ADGRG6: variants seen among roughly 807,000 people sequenced by gnomAD.
ADGRG6 encodes adhesion G protein-coupled receptor G6.
ADGRG6 carries 84 observed loss-of-function variants against 142.4 expected under a neutral mutation model. That is an observed-to-expected ratio of 0.59 (90% CI 0.49 to 0.71). The LOEUF (loss-of-function observed/expected upper bound fraction) is 0.71. Among genes scored for constraint, ADGRG6 ranks in the 30% least tolerant of loss-of-function variants. The pLI is 0.00. For missense variants in ADGRG6, 1,367 were observed against 1,466.6 expected (o/e 0.93, Z 1.11); for synonymous variants, 521 against 520.5 (o/e 1.00, Z -0.01).
rs773191366 is a variant in ADGRG6 at position 142,443,444 on chromosome 6, A to T, written c.3682A>T (p.Asn1228Tyr). The change falls in exon 25 of 25, where the codon AAT becomes TAT. Residue 1228 changes from asparagine (N) to tyrosine (Y), a missense_variant. Coordinates refer to ENST00000367609, the MANE Select transcript of ADGRG6 (RefSeq NM_198569.3). ...QVIDKVKGYCNAHSDNFYKNI... is the reference protein window; with the variant it reads ...QVIDKVKGYCYAHSDNFYKNI... ...CATTGATAAGGTCAAGGGTTATTGC[A>T]ATGCTCATTCAGACAACTTCTATAA... 26 of 1,611,380 alleles carry T rather than the reference A, an allele frequency of 1.6e-5. No homozygotes were observed. The South Asian group carries it at 2.6e-4, about 16-fold the overall frequency.
intron 4 of ADGRG6, among the ~76,000 whole-genome samples, chr6:142,380,871 A>G (rs1781739262): frequency 6.6e-6 from 1 of 152,108 alleles, no homozygotes. Flanking sequence ...TGGCCTCTGT[A>G]CCTCACATAA....
intron 1 of ADGRG6, among the ~76,000 whole-genome samples, chr6:142,305,879 C>G (rs925692392): frequency 6.7e-6 from 1 of 149,450 alleles, no homozygotes; most frequent in African/African-American, 2.4e-5. Flanking sequence ...AATAAAGGTA[C>G]TCAAATCGAG....
intron 2 of ADGRG6, among the ~76,000 whole-genome samples, chr6:142,335,451 G>A (rs185835902): frequency 2.6e-4 from 40 of 152,266 alleles, no homozygotes; most frequent in African/African-American, 8.4e-4. Context: ...GCCTTTTACA[G>A]TTAGAAGTAG....
At chr6:142,392,343 C>G (rs1309607248) in intron 7 of ADGRG6, among the ~76,000 whole-genome samples, 4 of 151,848 alleles carry the variant, frequency 2.6e-5, no homozygotes, top group Non-Finnish European at 4.4e-5. Context: ...ATTAAAAACT[C>G]TTATGCTGAG....
chr6:142,315,791 G>C (rs1440870180), intron 2 of ADGRG6, among the ~76,000 whole-genome samples: 1 of 151,524 alleles, frequency 6.6e-6, no homozygotes, highest in Non-Finnish European at 1.5e-5. Flanking sequence ...AGATCGTGCT[G>C]TTGCACTCTA....
At chr6:142,438,922 A>G (rs1209095648) in intron 24 of ADGRG6, among the ~76,000 whole-genome samples, 2 of 152,182 alleles carry the variant, frequency 1.3e-5, no homozygotes, top group South Asian at 4.1e-4. Context: ...TTTTTTCATG[A>G]TATTTACAAT....
intron 4 of ADGRG6, among the ~76,000 whole-genome samples, chr6:142,378,200 C>T (rs1054050156): frequency 2.0e-5 from 3 of 152,096 alleles, no homozygotes; most frequent in Non-Finnish European, 4.4e-5. Flanking sequence ...CTTATTTTTA[C>T]CTCTAAGCTC....
chr6:142,392,808 A>G, intron 7 of ADGRG6, 140 bp from the exon 8 acceptor site: 1 of 627,898 alleles, frequency 1.6e-6, no homozygotes, highest in Non-Finnish European at 2.9e-6. Flanking sequence ...ACAATGATCC[A>G]TTAACTGTTC....
chr6:142,431,184 G>T (rs1777189943), intron 22 of ADGRG6, among the ~76,000 whole-genome samples: 1 of 151,630 alleles, frequency 6.6e-6, no homozygotes, highest in South Asian at 2.1e-4. Flanking sequence ...TGAAAGTTTT[G>T]GGAGCTGATT....
chr6:142,439,568 C>T (rs1489429251), intron 24 of ADGRG6, among the ~76,000 whole-genome samples: 4 of 152,132 alleles, frequency 2.6e-5, no homozygotes, highest in Admixed American at 6.5e-5. Context: ...GCCTGGGATT[C>T]ATGATAGTGC....
intron 2 of ADGRG6, among the ~76,000 whole-genome samples, chr6:142,338,017 G>GTTTTT (rs1181314373): frequency 0.013 from 448 of 35,378 alleles, 151 homozygotes; most frequent in Non-Finnish European, 0.017. Context: ...TTGTATCTTT[G>GTTTTT]TTTTTTTTTT....
At chr6:142,404,226 A>G in intron 14 of ADGRG6, 1 of 445,006 alleles carries the variant, frequency 2.2e-6, no homozygotes, top group Non-Finnish European at 4.0e-6. Context: ...AAGCATGAGT[A>G]GGGGCCACCA....
At chr6:142,431,139 A>G (rs1433424341) in intron 22 of ADGRG6, among the ~76,000 whole-genome samples, 2 of 151,900 alleles carry the variant, frequency 1.3e-5, no homozygotes, top group Admixed American at 6.6e-5. Context: ...TTAGTGAAAG[A>G]TGGAAGTGAA....
chr6:142,327,823 T>A (rs2114646380), intron 2 of ADGRG6, among the ~76,000 whole-genome samples: 1 of 152,236 alleles, frequency 6.6e-6, no homozygotes. Context: ...ACATTTAATT[T>A]TTTTGAAAGA....
intron 2 of ADGRG6, among the ~76,000 whole-genome samples, chr6:142,318,006 A>ATATAATATATATTTATATATTAT (rs1562306660): frequency 2.3e-5 from 1 of 43,696 alleles, no homozygotes; most frequent in African/African-American, 1.1e-4. Flanking sequence ...TATTATATAT[A>ATATAATATATATTTATATATTAT]ATATTTATGT....
At chr6:142,434,893 A>T (rs1333795463) in intron 22 of ADGRG6, among the ~76,000 whole-genome samples, 1 of 152,026 alleles carries the variant, frequency 6.6e-6, no homozygotes, top group Non-Finnish European at 1.5e-5. Flanking sequence ...CTATAATAAC[A>T]TTTGCTAATA....
Position 142,309,642 on chromosome 6 carries a change from C to G in ADGRG6, c.101C>G (p.Ser34Ter). Residue 34 changes from serine (S) to a stop codon, truncating the protein, a stop_gained and splice_region_variant, in exon 2 of 25, where the codon TCA (serine) becomes TGA (stop). Coordinates refer to ENST00000367609, the MANE Select transcript of ADGRG6 (RefSeq NM_198569.3). LOFTEE classifies it high-confidence loss of function. The stretch of plus-strand genomic sequence containing the variant: ...TTATATATCATGTGTGTTCCTCACT[C>G]AGGTAAGACTCTTCCTCTTTCACAC... The part of the protein sequence containing the change: ...FALYIMCVPH[S>*]VWGCANCRVV... 1 of 1,570,800 alleles carries G rather than the reference C, an allele frequency of 6.4e-7. No individual in the cohort carries two copies. Among genetic ancestry groups the G allele is most frequent in the Non-Finnish European group, 8.7e-7 (1 of 1,147,894 alleles).
At chr6:142,405,137 A>G (rs1046304683) in intron 14 of ADGRG6, among the ~76,000 whole-genome samples, 1 of 152,164 alleles carries the variant, frequency 6.6e-6, no homozygotes, top group African/African-American at 2.4e-5. Flanking sequence ...CTTTTGGGTA[A>G]TTCTTTTTCA....
At position 142,445,950 on chromosome 6, in the gene ADGRG6, C is replaced by T. The variant is rs991240986; in HGVS notation, c.*2435C>T. On this transcript the variant is annotated 3_prime_UTR_variant, in exon 25 of 25. Coordinates refer to ENST00000367609, the MANE Select transcript of ADGRG6 (RefSeq NM_198569.3). ...CTTGCATTGTAAAGATTTTCTTTGT[C>T]TGTTGTTGGCATAGATTCTTTTGTA... is the stretch of plus-strand genomic sequence containing the variant. The T allele has an allele frequency of 3.3e-5, 5 of 152,192 alleles. No homozygotes were observed. The highest frequency in any genetic ancestry group is 1.2e-4 in the African/African-American group (5 of 41,410). 9.4% of individuals were successfully genotyped at this position (152,192 alleles called of 1,614,324 possible). A position where few individuals can be genotyped will look rare whatever the true frequency, so the allele number is the denominator to read the frequency against.
Sources: gnomAD v4.1 joint callset for allele counts (sites outside exome capture counted in the v4.1 genomes callset) on GRCh38, gnomAD v4.1.1 for gene constraint, MANE v1.5 for transcripts, NCBI Gene and HGNC (gene_info 2026-07-23, HGNC 2026-07-21) for gene names.